PAN2: variants seen among roughly 807,000 people sequenced by gnomAD.
PAN2 encodes PAN2-PAN3 deadenylation complex catalytic subunit PAN2.
PAN2 carries 68 observed loss-of-function variants against 133.3 expected under a neutral mutation model. That is an observed-to-expected ratio of 0.51 (90% CI 0.42 to 0.62). The LOEUF (loss-of-function observed/expected upper bound fraction) is 0.62, where lower values mean the gene tolerates loss of function less well. Among genes scored for constraint, PAN2 ranks in the 20% least tolerant of loss-of-function variants. The pLI is 0.00. For missense variants in PAN2, 1,042 were observed against 1,500.5 expected (o/e 0.69, Z 5.05); for synonymous variants, 462 against 544.6 (o/e 0.85, Z 2.11).
In PAN2 at chr12:56,324,049, C is replaced by T. The variant is rs371854817; in HGVS notation, c.2065G>A (p.Asp689Asn). 3 of 1,614,046 alleles carry T rather than the reference C, an allele frequency of 1.9e-6. No individual in the cohort carries two copies. The highest frequency in any genetic ancestry group is 2.5e-6 in the Non-Finnish European group (3 of 1,180,020). ...CTGAAGGGTATACCACTTTTGCTAC[C>T]ATCAGGGTAGGAGAGTGTGAAAAGC... ...TLLFTLSYPD[D>N]KTGKNYDFAQ... Residue 689 changes from aspartate (D) to asparagine (N), a missense_variant and splice_region_variant, in exon 13 of 26, where the codon GAT becomes AAT. Transcript: ENST00000440411.
chr12:56,326,988 C>G (rs1453640782), intron 6 of PAN2, 29 bp from the exon 7 acceptor site: 1 of 1,576,148 alleles, frequency 6.3e-7, no homozygotes, highest in East Asian at 2.2e-5. Context: ...CCCACTGAGC[C>G]CTAGAAAGTG....
intron 7 of PAN2, 95 bp downstream of exon 7, chr12:56,326,522 A>G (rs1171566846): frequency 2.0e-6 from 3 of 1,505,138 alleles, no homozygotes; most frequent in Non-Finnish European, 2.7e-6. Context: ...AAAAATCAGG[A>G]AAGTAGTAGA....
chr12:56,328,170 C>T, intron 4 of PAN2, 68 bp downstream of exon 4: 3 of 1,597,140 alleles, frequency 1.9e-6, no homozygotes, highest in Admixed American at 1.7e-5. Context: ...ACATTACCAG[C>T]CCAAGCATAC....
At position 56,322,666 on chromosome 12, in the gene PAN2, G is replaced by A. The variant is rs1565633091; in HGVS notation, c.2586C>T (p.Gly862=). ...VVHILDSRTG[G]SLVAHIKVGE... Reference sequence around the variant, plus strand: ...CAACTTTGATGTGAGCCACCAGGCTGCCCCCTGTGCGTGAGTCCAGGATGT... The same window carrying A: ...CAACTTTGATGTGAGCCACCAGGCTACCCCCTGTGCGTGAGTCCAGGATGT... Residue 862 remains glycine (G), a synonymous_variant, in exon 18 of 26, where the codon GGC becomes GGT. Coordinates refer to ENST00000440411, the MANE Select transcript of PAN2 (RefSeq NM_014871.6). 10 of 1,614,054 alleles carry A rather than the reference G, an allele frequency of 6.2e-6. No individual in the cohort carries two copies. Among genetic ancestry groups the A allele is most frequent in the Non-Finnish European group, 7.6e-6 (9 of 1,180,050 alleles).
In PAN2 at chr12:56,333,189, C is replaced by T. The variant is rs925087861; in HGVS notation, c.-95G>A. 3 of 1,318,512 alleles carry T rather than the reference C, an allele frequency of 2.3e-6. No homozygotes were observed. In the African/African-American group the frequency reaches 4.3e-5, roughly 19 times the overall value. 81.7% of individuals were successfully genotyped at this position (1,318,512 alleles called of 1,614,324 possible). ...CCTTCAGCAAGACAGCACCGATGGG[C>T]CTAGAATGGACATCCTGGCCTGTAA... On this transcript the variant is annotated 5_prime_UTR_variant, in exon 2 of 26. Transcript: ENST00000440411.
At position 56,331,705 on chromosome 12, in the gene PAN2, T is replaced by A. The variant is rs1275290674; in HGVS notation, c.282+1108A>T. Among the ~76,000 whole-genome samples, 8 of 129,850 alleles carry A rather than the reference T, an allele frequency of 6.2e-5. 1 individual carries two copies. The highest frequency in any genetic ancestry group is 1.8e-4 in the African/African-American group (7 of 39,552). 85.2% of individuals were successfully genotyped at this position (129,850 alleles called of 152,430 possible). Reference sequence around the variant, plus strand: ...ATCAGTAAATGAAGGACAGCGTTTTTTTTTTTTTTGTTTTTTGTTTTTTTT... The same window carrying A: ...ATCAGTAAATGAAGGACAGCGTTTTATTTTTTTTTGTTTTTTGTTTTTTTT... On this transcript the variant is annotated intron_variant, in intron 2 of 25. Transcript: ENST00000440411.
rs763356204 is a variant in PAN2 at position 56,324,410 on chromosome 12, T to C, written c.1812A>G (p.Ser604=). ...TGAGCCTGGCCAGATTGCCCTTGCC[T>C]GAGGCCTCATCTGAGTCAGCCAGGA... The part of the protein sequence containing the change: ...GLILADSDEA[S]GKGNLARLIQ... Residue 604 remains serine (S), a synonymous_variant, in exon 12 of 26, where the codon TCA becomes TCG. Transcript: ENST00000440411. The C allele has an allele frequency of 2.5e-6, 4 of 1,614,194 alleles. No homozygotes were observed. The highest frequency in any genetic ancestry group is 1.7e-5 in the Admixed American group (1 of 60,030).
At chr12:56,318,057 G>A (rs1565630721) in intron 25 of PAN2, among the ~76,000 whole-genome samples, 180 bp downstream of exon 25, 1 of 152,112 alleles carries the variant, frequency 6.6e-6, no homozygotes, top group Non-Finnish European at 1.5e-5. Context: ...TGTGCCTGTT[G>A]TCCCAGGTAC....
Position 56,319,246 on chromosome 12 carries a change from C to G in PAN2, c.3270+62G>C. The G allele has an allele frequency of 6.2e-7, 1 of 1,613,622 alleles. No homozygotes were observed. Among genetic ancestry groups the G allele is most frequent in the Non-Finnish European group, 8.5e-7 (1 of 1,179,684 alleles). ...CCTATAATTCCCCATTCTCTAAAGG[C>G]ACAATGTATACCCTGAGGGGCCCAC... is the stretch of plus-strand genomic sequence containing the variant. On this transcript the variant is annotated intron_variant, in intron 23 of 25. Coordinates refer to ENST00000440411, the MANE Select transcript of PAN2 (RefSeq NM_014871.6). This position sits in a 1 kb window ranked among gnomAD's most constrained non-coding sequence, Gnocchi z 5.4.
chr12:56,318,883 A>G lies in PAN2; in HGVS notation c.3364+205T>C, dbSNP rs74371930. Among the ~76,000 whole-genome samples the G allele has an allele frequency of 2.2e-3, 337 of 152,230 alleles. 1 individual carries two copies. The highest frequency in any genetic ancestry group is 4.3e-3 in the South Asian group (21 of 4,828). On this transcript the variant is annotated intron_variant, in intron 24 of 25. Transcript: ENST00000440411. ...CCCAACTTTTAGAGTCCCTAATGTC[A>G]TTCTTATGTCCATATGTACTCATTG... is the stretch of plus-strand genomic sequence containing the variant.
chr12:56,329,942 TAAAA>T (rs11304868), intron 2 of PAN2, among the ~76,000 whole-genome samples: 8 of 130,136 alleles, frequency 6.1e-5, no homozygotes, highest in Non-Finnish European at 6.6e-5. Context: ...AGATTCCACC[TAAAA>T]AAAAAAAAAA....
In PAN2 at chr12:56,324,751, G is replaced by A. The variant is rs368918004; in HGVS notation, c.1600-42C>T. The A allele has an allele frequency of 4.0e-5, 63 of 1,591,322 alleles. No individual in the cohort carries two copies. The African/African-American group carries it at 8.1e-4, about 21-fold the overall frequency. On this transcript the variant is annotated intron_variant, in intron 10 of 25. Coordinates refer to ENST00000440411, the MANE Select transcript of PAN2 (RefSeq NM_014871.6). Reference sequence around the variant, plus strand: ...AAGAACTGATGTAGGAAACTGGCCTGGGGGTGAGGAGAAATATGGAGGTTA... The same window carrying A: ...AAGAACTGATGTAGGAAACTGGCCTAGGGGTGAGGAGAAATATGGAGGTTA...
chr12:56,327,936 C>A lies in PAN2; in HGVS notation c.651+59G>T, dbSNP rs924774735. 7.5e-6 allele frequency: 12 copies of A among 1,609,624 alleles called. No individual in the cohort carries two copies. In the Admixed American group the frequency reaches 1.8e-4, roughly 25 times the overall value. ...CCCAGAGTTAAGGGAAAGCAGATCG[C>A]AATCAGGTATCTAGTGAAACAGGGC... On this transcript the variant is annotated intron_variant, in intron 5 of 25. Coordinates refer to ENST00000440411, the MANE Select transcript of PAN2 (RefSeq NM_014871.6).
chr12:56,318,578 G>A (rs1417138689), intron 24 of PAN2, 144 bp from the exon 25 acceptor site: 1 of 625,138 alleles, frequency 1.6e-6, no homozygotes, highest in East Asian at 2.7e-5. Context: ...GTGCACAGAA[G>A]GGATATTGAA....
At chr12:56,322,026 T>C (rs1874607323) in intron 20 of PAN2, 52 bp downstream of exon 20, 2 of 955,110 alleles carry the variant, frequency 2.1e-6, no homozygotes, top group Non-Finnish European at 3.4e-6. Flanking sequence ...GATCTCACCC[T>C]GAAGCCCAAT....
At chr12:56,329,620 C>T (rs891424777) in intron 2 of PAN2, among the ~76,000 whole-genome samples, 1 of 151,730 alleles carries the variant, frequency 6.6e-6, no homozygotes, top group East Asian at 2.0e-4. Flanking sequence ...CATCAGTCAC[C>T]GCACCTGGCC....
rs758368715 is a variant in PAN2, at chr12:56,328,551, G to A, written c.373C>T (p.Leu125=). The A allele has an allele frequency of 7.4e-6, 12 of 1,614,222 alleles. 1 individual carries two copies. The South Asian group carries it at 1.3e-4, about 18-fold the overall frequency. Reference sequence around the variant, plus strand: ...GTGAGAAAAAGGATACCATTCTCCAGGCTCTGGATCTGCCGAATATCATCA... The same window carrying A: ...GTGAGAAAAAGGATACCATTCTCCAAGCTCTGGATCTGCCGAATATCATCA... ...GSDDIRQIQS[L]ENGILFLTKN... Residue 125 remains leucine, a synonymous_variant, in exon 3 of 26, where the codon CTG becomes TTG. Coordinates refer to ENST00000440411, the MANE Select transcript of PAN2 (RefSeq NM_014871.6).
intron 20 of PAN2, among the ~76,000 whole-genome samples, chr12:56,320,408 C>T (rs779682539): frequency 2.8e-4 from 43 of 151,784 alleles, no homozygotes; most frequent in Non-Finnish European, 4.7e-4. Context: ...GAGGCCGAGG[C>T]GGGCGGATCA....
At chr12:56,329,078 G>T (rs1269445247) in intron 2 of PAN2, among the ~76,000 whole-genome samples, 1 of 152,066 alleles carries the variant, frequency 6.6e-6, no homozygotes, top group Non-Finnish European at 1.5e-5. Flanking sequence ...TTGGTATCTG[G>T]TATCTTTAGA....
Sources: gnomAD v4.1 joint callset for allele counts (sites outside exome capture counted in the v4.1 genomes callset) on GRCh38, gnomAD v4.1.1 for gene constraint, Gnocchi (gnomAD v3.1) non-coding constraint, MANE v1.5 for transcripts, NCBI Gene and HGNC (gene_info 2026-07-23, HGNC 2026-07-21) for gene names.